The following NFIB variants were observed in gnomAD, a reference collection of about 807,000 sequenced individuals.
NFIB encodes the protein nuclear factor I B.
Under a neutral mutation model 61.5 loss-of-function variants are expected in NFIB, and 11 were observed. The observed-to-expected ratio is 0.18, with a 90% CI of 0.11 to 0.30. NFIB has a LOEUF of 0.30. NFIB is among the 10% of genes least tolerant of loss of function. The pLI is 1.00. For missense variants in NFIB, 471 were observed against 608.9 expected (o/e 0.77, Z 2.38); for synonymous variants, 260 against 216.5 (o/e 1.20, Z -1.76).
intron 10 of NFIB, among the ~76,000 whole-genome samples, chr9:14,112,193 C>T (rs950464573): frequency 6.6e-6 from 1 of 152,188 alleles, no homozygotes; most frequent in East Asian, 1.9e-4. Flanking sequence ...AACTTGAGAG[C>T]AGCAAACATA....
At chr9:14,306,261 T>C (rs2060013143) in intron 2 of NFIB, among the ~76,000 whole-genome samples, 1 of 152,166 alleles carries the variant, frequency 6.6e-6, no homozygotes, top group African/African-American at 2.4e-5. Flanking sequence ...ACTTTCCTCC[T>C]CGGTAAGTTT....
At chr9:14,368,168 A>G (rs1179761519) in intron 1 of NFIB, among the ~76,000 whole-genome samples, 3 of 139,880 alleles carry the variant, frequency 2.1e-5, no homozygotes, top group Non-Finnish European at 1.6e-5. Flanking sequence ...AAAAAAAAAA[A>G]GAGAGACAGA....
chr9:14,506,277 T>C, the NFIB span, among the ~76,000 whole-genome samples: 1 of 152,170 alleles, frequency 6.6e-6, no homozygotes, highest in Non-Finnish European at 1.5e-5. Context: ...GAGGGTTTTT[T>C]AGTGATTCAC....
the NFIB span, among the ~76,000 whole-genome samples, chr9:14,439,448 A>G: frequency 6.6e-6 from 1 of 152,240 alleles, no homozygotes; most frequent in Non-Finnish European, 1.5e-5. Context: ...AAAAGGGGAT[A>G]ATAATAATAC....
Position 14,313,312 on chromosome 9 carries a change from C to A in NFIB, c.30+170G>T, listed in dbSNP as rs2060378153. ...CGCTCGCAGTGGCCGTGGCGAGGGGCCGCTCCCGGCTCCCACGCCGCCCCG... is the reference window on the plus strand; with the variant it reads ...CGCTCGCAGTGGCCGTGGCGAGGGGACGCTCCCGGCTCCCACGCCGCCCCG... On this transcript the variant is annotated intron_variant, in intron 1 of 10. Transcript: ENST00000380953. The surrounding 1 kb of genome is among the most constrained non-coding windows in gnomAD (Gnocchi z 4.5). 6.6e-6 allele frequency among the ~76,000 whole-genome samples: 1 copy of A among 151,656 alleles called. No homozygotes were observed. Among genetic ancestry groups the A allele is most frequent in the Non-Finnish European group, 1.5e-5 (1 of 67,874 alleles).
chr9:14,430,687 G>C, the NFIB span, among the ~76,000 whole-genome samples: 58 of 152,204 alleles, frequency 3.8e-4, no homozygotes, highest in Non-Finnish European at 5.9e-5. Context: ...GTTCAAGTGA[G>C]TCTCATGCCT....
At chr9:14,522,656 C>A in the NFIB span, among the ~76,000 whole-genome samples, 3 of 152,152 alleles carry the variant, frequency 2.0e-5, no homozygotes, top group African/African-American at 7.2e-5. Flanking sequence ...TAACTATTAT[C>A]CCCTGCAGTG....
chr9:14,210,516 G>A lies in NFIB; in HGVS notation c.563-30736C>T, dbSNP rs151146717. 3.0e-4 allele frequency among the ~76,000 whole-genome samples: 45 copies of A among 151,824 alleles called. No individual in the cohort carries two copies. The East Asian group carries it at 7.8e-3, about 26-fold the overall frequency. ...GGCACTTCACTTACGAAGAAAATAC[G>A]CTAAAATGTAAGTATACATACACAC... is the stretch of plus-strand genomic sequence containing the variant. On this transcript the variant is annotated intron_variant, in intron 2 of 10. Transcript: ENST00000380953.
chr9:14,305,197 G>C (rs572291267), intron 2 of NFIB, among the ~76,000 whole-genome samples: 3 of 152,058 alleles, frequency 2.0e-5, no homozygotes, highest in African/African-American at 4.8e-5. Context: ...AAAACTAAGA[G>C]AGCTGGCTGC....
chr9:14,196,103 GA>G (rs2048441819), intron 2 of NFIB, among the ~76,000 whole-genome samples: 1 of 151,858 alleles, frequency 6.6e-6, no homozygotes, highest in African/African-American at 2.4e-5. Flanking sequence ...CACGCTGGTT[GA>G]ACTTAATTTT....
At chr9:14,305,525 C>T (rs1443385884) in intron 2 of NFIB, among the ~76,000 whole-genome samples, 1 of 152,114 alleles carries the variant, frequency 6.6e-6, no homozygotes. Flanking sequence ...TTCCCCAAAC[C>T]ATCATTATTT....
upstream of NFIB, among the ~76,000 whole-genome samples, chr9:14,399,171 T>C (rs556341044): frequency 4.0e-4 from 61 of 152,354 alleles, no homozygotes; most frequent in South Asian, 1.4e-3. Flanking sequence ...ATATATGTTG[T>C]TGGAATTAAT....
intron 2 of NFIB, among the ~76,000 whole-genome samples, chr9:14,283,602 G>A (rs538119324): frequency 1.3e-5 from 2 of 152,318 alleles, no homozygotes; most frequent in African/African-American, 4.8e-5. Context: ...AGGGCTGCAT[G>A]AACTCAAGTT....
At chr9:14,100,400 T>C (rs2035563908) in intron 10 of NFIB, among the ~76,000 whole-genome samples, 1 of 152,150 alleles carries the variant, frequency 6.6e-6, no homozygotes, top group East Asian at 1.9e-4. Context: ...CCATGGGCTA[T>C]CAAGTTTTTA....
the NFIB span, among the ~76,000 whole-genome samples, chr9:14,499,068 GTGTGTGTGTT>G: frequency 2.0e-5 from 3 of 151,508 alleles, no homozygotes; most frequent in Admixed American, 6.6e-5. Context: ...GCGTGTGTGG[GTGTGTGTGTT>G]TGTGTGTGTG....
chr9:14,123,363 A>G (rs1461881208), intron 7 of NFIB, among the ~76,000 whole-genome samples: 1 of 152,160 alleles, frequency 6.6e-6, no homozygotes, highest in Non-Finnish European at 1.5e-5. Context: ...TCTTGCATAC[A>G]TTATTGCAAA....
chr9:14,212,183 A>G (rs1329387810), intron 2 of NFIB, among the ~76,000 whole-genome samples: 2 of 152,262 alleles, frequency 1.3e-5, no homozygotes, highest in African/African-American at 4.8e-5. Context: ...TAACTGCTTA[A>G]CTGGGCAACC....
At position 14,182,683 on chromosome 9, in the gene NFIB, C is replaced by CCTCTCTCTCTCTCT. The variant is rs144528136; in HGVS notation, c.563-2917_563-2904dup. 4.1e-4 allele frequency among the ~76,000 whole-genome samples: 17 copies of CCTCTCTCTCTCTCT among 41,002 alleles called. 1 individual carries two copies. The highest frequency in any genetic ancestry group is 8.1e-4 in the African/African-American group (13 of 15,980). 26.9% of individuals were successfully genotyped at this position (41,002 alleles called of 152,430 possible). A position where few individuals can be genotyped will look rare whatever the true frequency, so the allele number is the denominator to read the frequency against. ...CCATCACTTTGCTCAACACCCCCCA[C>CCTCTCTCTCTCTCT]CTCTCTCTCTCTCTCTCTCTCTCTC... On this transcript the variant is annotated intron_variant, in intron 2 of 10. Transcript: ENST00000380953.
intron 1 of NFIB, among the ~76,000 whole-genome samples, chr9:14,336,679 A>G (rs780467510): frequency 3.9e-5 from 6 of 152,240 alleles, no homozygotes; most frequent in Non-Finnish European, 7.3e-5. Context: ...AGTGGCCCAG[A>G]GCCTGTGCTT....
Sources: gnomAD v4.1 joint callset for allele counts (sites outside exome capture counted in the v4.1 genomes callset) on GRCh38, gnomAD v4.1.1 for gene constraint, Gnocchi (gnomAD v3.1) non-coding constraint, MANE v1.5 for transcripts, NCBI Gene and HGNC (gene_info 2026-07-23, HGNC 2026-07-21) for gene names.